RSPO2: variants seen among roughly 807,000 people sequenced by gnomAD.
RSPO2 encodes R-spondin 2, also known as R-spondin-2.
Under a neutral mutation model 30.9 loss-of-function variants are expected in RSPO2, and 14 were observed. That is an observed-to-expected ratio of 0.45 (90% CI 0.30 to 0.71). RSPO2 has a LOEUF of 0.71. Among genes scored for constraint, RSPO2 ranks in the 30% least tolerant of loss-of-function variants. The pLI is 0.08. For missense variants in RSPO2, 264 were observed against 301.9 expected (o/e 0.87, Z 0.93); for synonymous variants, 107 against 96.4 (o/e 1.11, Z -0.64).
chr8:107,932,588 A>C (rs1030754767), intron 5 of RSPO2, among the ~76,000 whole-genome samples: 4 of 152,176 alleles, frequency 2.6e-5, no homozygotes, highest in African/African-American at 9.7e-5. Flanking sequence ...ATCCTCTTGG[A>C]AAAGAAGAGC....
At chr8:108,079,418 G>A (rs1328715998) in intron 2 of RSPO2, among the ~76,000 whole-genome samples, 2 of 152,054 alleles carry the variant, frequency 1.3e-5, no homozygotes, top group African/African-American at 4.8e-5. Flanking sequence ...CCCATTTGAA[G>A]TTTTGTCCAA....
chr8:107,920,491 T>C (rs1040942427), intron 5 of RSPO2, among the ~76,000 whole-genome samples: 3 of 152,140 alleles, frequency 2.0e-5, no homozygotes, highest in African/African-American at 4.8e-5. Context: ...ACATTAAATG[T>C]GACAATATTT....
At chr8:107,984,499 C>G (rs1438029675) in intron 3 of RSPO2, among the ~76,000 whole-genome samples, 2 of 152,166 alleles carry the variant, frequency 1.3e-5, no homozygotes, top group Non-Finnish European at 1.5e-5. Context: ...CTTTGCACTA[C>G]TCATAATGAT....
intron 2 of RSPO2, among the ~76,000 whole-genome samples, chr8:108,060,722 C>T (rs1812428835): frequency 6.6e-6 from 1 of 151,538 alleles, no homozygotes; most frequent in Non-Finnish European, 1.5e-5. Flanking sequence ...AACTCCAAGA[C>T]ACGTAATTGT....
intron 2 of RSPO2, among the ~76,000 whole-genome samples, chr8:108,036,402 C>G (rs1489596899): frequency 6.6e-6 from 1 of 152,192 alleles, no homozygotes; most frequent in African/African-American, 2.4e-5. Context: ...CTCTCTGCCC[C>G]CTCTGCAAAA....
intron 2 of RSPO2, among the ~76,000 whole-genome samples, chr8:108,034,947 G>A (rs2130643641): frequency 6.6e-6 from 1 of 152,250 alleles, no homozygotes; most frequent in South Asian, 2.1e-4. Context: ...CCTAAATACT[G>A]TTTTGCTTTC....
intron 3 of RSPO2, among the ~76,000 whole-genome samples, chr8:107,985,040 A>G (rs1298762608): frequency 6.6e-6 from 1 of 152,208 alleles, no homozygotes; most frequent in Non-Finnish European, 1.5e-5. Flanking sequence ...GCAAATAGAA[A>G]AAAGGGGAGC....
intron 4 of RSPO2, among the ~76,000 whole-genome samples, chr8:107,958,493 T>A (rs1179184578): frequency 6.6e-6 from 1 of 152,204 alleles, no homozygotes; most frequent in African/African-American, 2.4e-5. Context: ...ACTTTCCATT[T>A]GTCTTAGTTC....
chr8:108,062,213 T>TA (rs1288648292), intron 2 of RSPO2, among the ~76,000 whole-genome samples: 1 of 151,270 alleles, frequency 6.6e-6, no homozygotes, highest in Non-Finnish European at 1.5e-5. Context: ...GATAGAGACA[T>TA]AAAAAACCCT....
At chr8:108,058,211 C>CAA (rs1405044478) in intron 2 of RSPO2, among the ~76,000 whole-genome samples, 3 of 152,130 alleles carry the variant, frequency 2.0e-5, no homozygotes, top group Admixed American at 6.6e-5. Context: ...CAATAACAGA[C>CAA]AAACAGAGCC....
At chr8:107,903,827 A>C (rs1267916480) in intron 5 of RSPO2, among the ~76,000 whole-genome samples, 1 of 152,024 alleles carries the variant, frequency 6.6e-6, no homozygotes, top group Non-Finnish European at 1.5e-5. Flanking sequence ...ACATATTGCA[A>C]ATACCGAGGA....
intron 3 of RSPO2, among the ~76,000 whole-genome samples, chr8:107,970,713 T>C (rs891319370): frequency 1.3e-5 from 2 of 152,244 alleles, no homozygotes; most frequent in African/African-American, 4.8e-5. Context: ...CATTCTATTT[T>C]AATAAGTTTT....
intron 3 of RSPO2, among the ~76,000 whole-genome samples, chr8:107,980,043 T>C (rs1412130403): frequency 1.3e-5 from 2 of 152,210 alleles, no homozygotes; most frequent in African/African-American, 2.4e-5. Flanking sequence ...CTCTCTGCTA[T>C]GAGTACCCTT....
intron 2 of RSPO2, among the ~76,000 whole-genome samples, chr8:108,045,775 C>T (rs1245363881): frequency 6.6e-6 from 1 of 152,114 alleles, no homozygotes; most frequent in Non-Finnish European, 1.5e-5. Flanking sequence ...AAAAGACTTA[C>T]ATTAGTGTGT....
At chr8:108,007,739 A>T (rs1815497435) in intron 2 of RSPO2, among the ~76,000 whole-genome samples, 1 of 152,064 alleles carries the variant, frequency 6.6e-6, no homozygotes, top group African/African-American at 2.4e-5. Context: ...GCAGAAGGAG[A>T]AAATAGCCAG....
chr8:107,982,009 C>A (rs147111612), intron 3 of RSPO2, among the ~76,000 whole-genome samples: 504 of 55,282 alleles, frequency 9.1e-3, no homozygotes, highest in African/African-American at 0.012. Flanking sequence ...ACAACAACAA[C>A]AAAAAAAAAA....
intron 2 of RSPO2, among the ~76,000 whole-genome samples, chr8:108,029,672 G>C (rs1255935403): frequency 6.6e-6 from 1 of 152,118 alleles, no homozygotes; most frequent in Non-Finnish European, 1.5e-5. Context: ...GATGACTCAA[G>C]GGAAATAAAA....
At chr8:108,024,241 C>T (rs1347814761) in intron 2 of RSPO2, among the ~76,000 whole-genome samples, 2 of 152,084 alleles carry the variant, frequency 1.3e-5, no homozygotes, top group East Asian at 3.9e-4. Context: ...TGAAAATATA[C>T]TTGGCACAAA....
intron 3 of RSPO2, among the ~76,000 whole-genome samples, chr8:107,963,086 T>C (rs1450023004): frequency 6.6e-6 from 1 of 152,186 alleles, no homozygotes; most frequent in Non-Finnish European, 1.5e-5. Flanking sequence ...TCTTCAGGTA[T>C]AAATCATGTT....
Sources: allele counts gnomAD v4.1 joint callset (sites outside exome capture counted in the v4.1 genomes callset), GRCh38; gene constraint gnomAD v4.1.1; transcripts MANE v1.5; gene names NCBI Gene and HGNC (gene_info 2026-07-23, HGNC 2026-07-21).